Variants in CTPS1 observed in about 807,000 individuals in gnomAD.
The protein encoded by CTPS1 is CTP synthetase 1.
A neutral mutation model predicts 80.5 loss-of-function variants in CTPS1; 25 were observed. The observed-to-expected ratio is 0.31, with a 90% CI of 0.23 to 0.43. CTPS1 has a LOEUF of 0.43. CTPS1 is among the 20% of genes least tolerant of loss of function. The probability of loss-of-function intolerance (pLI) is 1.00; values close to 1 mark genes in which losing one functional copy is unlikely to be tolerated. For missense variants in CTPS1, 442 were observed against 725.7 expected (o/e 0.61, Z 4.49); for synonymous variants, 267 against 252.5 (o/e 1.06, Z -0.54).
intron 5 of CTPS1, among the ~76,000 whole-genome samples, chr1:40,989,126 C>T (rs914054751): frequency 6.6e-6 from 1 of 152,314 alleles, no homozygotes; most frequent in Middle Eastern, 3.4e-3. Flanking sequence ...AGAAGCAGCC[C>T]TGTTTGCCCT....
intron 12 of CTPS1, chr1:41,004,398 G>T (rs939189525): frequency 2.0e-5 from 3 of 152,310 alleles, no homozygotes; most frequent in African/African-American, 7.2e-5. Flanking sequence ...ATGCCCTTGA[G>T]TGCTGGCTTC....
At chr1:40,981,806 G>A (rs997222185) in intron 1 of CTPS1, 1 of 280,402 alleles carries the variant, frequency 3.6e-6, no homozygotes, top group Non-Finnish European at 7.1e-6. Context: ...AGAGCCTTTG[G>A]AGCGGGGAAG....
rs1174685677 is a variant in CTPS1, at chr1:41,012,038, C to G, written c.*390C>G. 1.3e-5 allele frequency: 2 copies of G among 152,168 alleles called. No homozygotes were observed. The highest frequency in any genetic ancestry group is 4.8e-5 in the African/African-American group (2 of 41,424). 9.4% of individuals were successfully genotyped at this position (152,168 alleles called of 1,614,324 possible). A position where few individuals can be genotyped will look rare whatever the true frequency, so the allele number is the denominator to read the frequency against. ...TTATAAAGTGTGCCACATGGACTTACCGAGCATGGAGAGAGGATTTTAGCT... is the reference window on the plus strand; with the variant it reads ...TTATAAAGTGTGCCACATGGACTTAGCGAGCATGGAGAGAGGATTTTAGCT... On this transcript the variant is annotated 3_prime_UTR_variant, in exon 19 of 19. Coordinates refer to ENST00000650070, the MANE Select transcript of CTPS1 (RefSeq NM_001905.4).
At chr1:41,006,495 CA>C (rs1359722250) in intron 13 of CTPS1, among the ~76,000 whole-genome samples, 4 of 152,196 alleles carry the variant, frequency 2.6e-5, no homozygotes, top group Non-Finnish European at 5.9e-5. Context: ...ATGGGATCCC[CA>C]GCCATAGTCC....
At chr1:41,009,678 G>T in intron 17 of CTPS1, 89 bp downstream of exon 17, 1 of 1,495,208 alleles carries the variant, frequency 6.7e-7, no homozygotes. Context: ...GTCACAGTCA[G>T]TCATAAGAAA....
intron 2 of CTPS1, 94 bp from the exon 3 acceptor site, chr1:40,984,727 C>T: frequency 1.0e-6 from 1 of 996,294 alleles, no homozygotes; most frequent in Non-Finnish European, 1.4e-6. Context: ...CGTAATTGCA[C>T]ACCTTGTTAA....
intron 7 of CTPS1, among the ~76,000 whole-genome samples, chr1:40,995,396 GTTT>G (rs1240457710): frequency 1.5e-5 from 2 of 131,476 alleles, no homozygotes; most frequent in Admixed American, 7.7e-5. Flanking sequence ...TTTTTTGGGT[GTTT>G]TTTTTTTTTT....
rs1055449383 is a variant in CTPS1 at position 41,003,190 on chromosome 1, A to G, written c.1252+14A>G. On this transcript the variant is annotated intron_variant, in intron 12 of 18. Transcript: ENST00000650070. ...TGGGATGGCAAGGTAAGCGTGCATTAAGACACTCATTCAATTCCCGCTTGT... is the reference window on the plus strand; with the variant it reads ...TGGGATGGCAAGGTAAGCGTGCATTGAGACACTCATTCAATTCCCGCTTGT... 2.5e-6 allele frequency: 4 copies of G among 1,613,810 alleles called. No homozygotes were observed. Among genetic ancestry groups the G allele is most frequent in the Non-Finnish European group, 3.4e-6 (4 of 1,179,804 alleles).
chr1:40,988,198 G>A (rs1318432294), intron 4 of CTPS1, among the ~76,000 whole-genome samples: 3 of 152,004 alleles, frequency 2.0e-5, no homozygotes, highest in African/African-American at 7.3e-5. Flanking sequence ...ACAGATGTGA[G>A]CCACCGTGCC....
In CTPS1 at chr1:40,988,808, T is replaced by C. The variant is rs545502101; in HGVS notation, c.555+98T>C. On this transcript the variant is annotated intron_variant, in intron 5 of 18. Coordinates refer to ENST00000650070, the MANE Select transcript of CTPS1 (RefSeq NM_001905.4). ...TCACTCATTGTCTAGTAGTTTTCAC[T>C]TGAGGTGCAGGAAGCAGAGAATAAA... 1,768 of 775,254 alleles carry C rather than the reference T, an allele frequency of 2.3e-3. 4 individuals carry two copies. The highest frequency in any genetic ancestry group is 3.6e-3 in the Non-Finnish European group (1,611 of 452,334). The allele number at this position is 775,254 out of a possible 1,614,324, so 48.0% of individuals were successfully genotyped here.
At chr1:41,000,058 C>T (rs962516832) in intron 9 of CTPS1, among the ~76,000 whole-genome samples, 4 of 152,172 alleles carry the variant, frequency 2.6e-5, no homozygotes, top group Non-Finnish European at 4.4e-5. Context: ...TTCAAAAACA[C>T]TAAGCAAAAG....
At chr1:41,009,400 C>T (rs374661571) in intron 16 of CTPS1, 45 bp from the exon 17 acceptor site, 57 of 1,514,116 alleles carry the variant, frequency 3.8e-5, no homozygotes, top group Non-Finnish European at 5.0e-5. Context: ...ACACTTTGTG[C>T]ATAACCTTCA....
At chr1:40,988,414 AC>A (rs1169389079) in intron 4 of CTPS1, 179 bp from the exon 5 acceptor site, 1 of 566,418 alleles carries the variant, frequency 1.8e-6, no homozygotes, top group Non-Finnish European at 3.2e-6. Context: ...CAAAAGAATA[AC>A]CTTTTAGTAC....
intron 9 of CTPS1, among the ~76,000 whole-genome samples, 164 bp downstream of exon 9, chr1:40,997,690 A>C (rs925578942): frequency 1.3e-5 from 2 of 152,210 alleles, no homozygotes; most frequent in African/African-American, 4.8e-5. Context: ...TGGCTTTGAG[A>C]AGACAGTAGA....
intron 1 of CTPS1, 81 bp from the exon 2 acceptor site, chr1:40,983,197 T>C: frequency 8.4e-7 from 1 of 1,191,640 alleles, no homozygotes; most frequent in South Asian, 1.5e-5. Flanking sequence ...AGCTAATAAT[T>C]GGCAGAGCCA....
intron 8 of CTPS1, 200 bp downstream of exon 8, chr1:40,996,268 G>C: frequency 3.3e-6 from 2 of 613,910 alleles, no homozygotes; most frequent in South Asian, 4.0e-5. Context: ...TCCTGATAGG[G>C]CCAGGCCAGG....
chr1:40,981,938 A>G lies in CTPS1; in HGVS notation c.-13-1340A>G, dbSNP rs528028839. Reference sequence around the variant, plus strand: ...TCTTGTTCCTTAGTTTATTTTTATCATAATTTGGCTTCACATGGAACGTTC... The same window carrying G: ...TCTTGTTCCTTAGTTTATTTTTATCGTAATTTGGCTTCACATGGAACGTTC... On this transcript the variant is annotated intron_variant, in intron 1 of 18. Transcript: ENST00000650070. 1.1e-4 allele frequency: 134 copies of G among 1,272,326 alleles called. 4 individuals are homozygous for G. In the South Asian group the frequency reaches 1.6e-3, roughly 15 times the overall value. 78.8% of individuals were successfully genotyped at this position (1,272,326 alleles called of 1,614,324 possible).
chr1:41,001,131 G>A lies in CTPS1; in HGVS notation c.1094+14G>A, dbSNP rs12718433. ...CTGTAGTGCTCAGTGAGTAGAGTTC[G>A]CTGCCTTGGGTTTCCAGAGTTCTTT... On this transcript the variant is annotated intron_variant, in intron 10 of 18. Coordinates refer to ENST00000650070, the MANE Select transcript of CTPS1 (RefSeq NM_001905.4). The A allele has an allele frequency of 0.41, 646,948 of 1,584,336 alleles. 136,227 individuals carry two copies. Among genetic ancestry groups the A allele is most frequent in the Admixed American group, 0.53 (28,067 of 52,582 alleles).
chr1:41,003,209 C>T lies in CTPS1; in HGVS notation c.1252+33C>T, dbSNP rs368495646. 3.6e-5 allele frequency: 58 copies of T among 1,611,532 alleles called. No individual in the cohort carries two copies. The African/African-American group carries it at 6.3e-4, about 17-fold the overall frequency. ...TGCATTAAGACACTCATTCAATTCC[C>T]GCTTGTGTATTTCTGGAGGATATGA... On this transcript the variant is annotated intron_variant, in intron 12 of 18. Transcript: ENST00000650070.
Sources: allele counts gnomAD v4.1 joint callset (sites outside exome capture counted in the v4.1 genomes callset), GRCh38; gene constraint gnomAD v4.1.1; transcripts MANE v1.5; gene names NCBI Gene and HGNC (gene_info 2026-07-23, HGNC 2026-07-21).